Variants in CPT1A observed in about 807,000 individuals in gnomAD.
CPT1A encodes carnitine palmitoyltransferase 1A.
CPT1A carries 64 observed loss-of-function variants against 100.8 expected under a neutral mutation model. The observed-to-expected ratio is 0.63, with a 90% confidence interval of 0.52 to 0.78. The LOEUF is 0.78. Among genes scored for constraint, CPT1A ranks in the 30% least tolerant of loss-of-function variants. The probability of loss-of-function intolerance (pLI) is 0.00; values close to 1 mark genes in which losing one functional copy is unlikely to be tolerated. For synonymous variants in CPT1A, 363 were observed against 396.0 expected (o/e 0.92, Z 0.99); for missense variants, 802 against 1,034.1 (o/e 0.78, Z 3.08).
At chr11:68,834,440 AATAAAAATAATAAAAT>A (rs1856959579) in intron 1 of CPT1A, among the ~76,000 whole-genome samples, 2 of 152,058 alleles carry the variant, frequency 1.3e-5, no homozygotes, top group South Asian at 4.2e-4. Context: ...CGTCTCAAAA[AATAAAAATAATAAAAT>A]AAAAGGAATT....
chr11:68,837,809 G>A (rs992973700), intron 1 of CPT1A, among the ~76,000 whole-genome samples: 8 of 151,972 alleles, frequency 5.3e-5, no homozygotes, highest in African/African-American at 1.7e-4. Flanking sequence ...CTGGACAACA[G>A]AGCAAGACCT....
rs556015969 is a variant in CPT1A at position 68,812,944 on chromosome 11, C to T, written c.142-368G>A. On this transcript the variant is annotated intron_variant, in intron 2 of 18. Transcript: ENST00000265641. ...TACTGTCTAGAATGCCCCGAGACCC[C>T]GGTTCCAAAACTGCTCCTCTTGCCG... Among the ~76,000 whole-genome samples, 105 of 152,020 alleles carry T rather than the reference C, an allele frequency of 6.9e-4. 1 individual carries two copies. Among genetic ancestry groups the T allele is most frequent in the African/African-American group, 2.2e-3 (93 of 41,466 alleles).
chr11:68,794,740 A>G, intron 8 of CPT1A, 64 bp downstream of exon 8: 1 of 1,317,450 alleles, frequency 7.6e-7, no homozygotes, highest in Non-Finnish European at 1.1e-6. Flanking sequence ...CATGTGCAAT[A>G]TGTCAATTAT....
intron 1 of CPT1A, among the ~76,000 whole-genome samples, chr11:68,840,999 T>G (rs1746726277): frequency 1.3e-5 from 2 of 152,156 alleles, no homozygotes; most frequent in African/African-American, 4.8e-5. Flanking sequence ...AAGCAGGCAC[T>G]GGGCCCGGCA....
intron 14 of CPT1A, among the ~76,000 whole-genome samples, chr11:68,764,074 G>A (rs905799187): frequency 6.6e-6 from 1 of 152,204 alleles, no homozygotes; most frequent in African/African-American, 2.4e-5. Context: ...ATGCCCCTGA[G>A]GCTGAGCCTT....
chr11:68,798,502 T>G (rs960843715), intron 6 of CPT1A, among the ~76,000 whole-genome samples: 3 of 152,150 alleles, frequency 2.0e-5, no homozygotes, highest in Non-Finnish European at 2.9e-5. Context: ...TTGCTTTGTC[T>G]GCCGGAGGCC....
At chr11:68,769,733 C>T (rs1046338969) in intron 14 of CPT1A, among the ~76,000 whole-genome samples, 3 of 152,086 alleles carry the variant, frequency 2.0e-5, no homozygotes, top group Non-Finnish European at 4.4e-5. Flanking sequence ...CCCTGCCTGA[C>T]CTCTCACTGT....
intron 12 of CPT1A, 85 bp from the exon 13 acceptor site, chr11:68,775,517 T>G: frequency 9.3e-7 from 1 of 1,079,306 alleles, no homozygotes; most frequent in African/African-American, 1.5e-5. Flanking sequence ...GGTTGTTCTT[T>G]GCAGAGATGT....
At chr11:68,762,135 A>G (rs1244933951) in intron 15 of CPT1A, among the ~76,000 whole-genome samples, 1 of 152,168 alleles carries the variant, frequency 6.6e-6, no homozygotes, top group Non-Finnish European at 1.5e-5. Context: ...TATCTATGGA[A>G]ATGAACTGAT....
At chr11:68,765,563 C>G (rs1007465318) in intron 14 of CPT1A, among the ~76,000 whole-genome samples, 1 of 152,236 alleles carries the variant, frequency 6.6e-6, no homozygotes, top group Admixed American at 6.5e-5. Context: ...CACACTAGCA[C>G]TGTTACTATG....
chr11:68,789,824 C>A (rs184718278), intron 9 of CPT1A, among the ~76,000 whole-genome samples: 3 of 152,328 alleles, frequency 2.0e-5, no homozygotes, highest in Admixed American at 2.0e-4. Context: ...GGTTTTCTGG[C>A]AGATTTATAA....
At chr11:68,810,967 G>C (rs536427595) in intron 3 of CPT1A, among the ~76,000 whole-genome samples, 1 of 152,062 alleles carries the variant, frequency 6.6e-6, no homozygotes, top group South Asian at 2.1e-4. Flanking sequence ...CCTGGGCAAC[G>C]GAGCAAAAAC....
rs1566339751 is a variant in CPT1A at position 68,761,570 on chromosome 11, T to C, written c.1993A>G (p.Lys665Glu). ...RHLFCLYVVS[K>E]YLAVESPFLK... The stretch of plus-strand genomic sequence containing the variant: ...AAAGGGGACTCCACAGCGAGATATT[T>C]AGACACCACGTAAAGGCAGAAGAGG... The change falls in exon 16 of 19, where the codon AAA (lysine) becomes GAA (glutamate). Residue 665 changes from lysine (K) to glutamate (E), a missense_variant. Physicochemically the swap from Lys to Glu is moderately conservative, Grantham distance 56 (BLOSUM62 1). Around this residue, in one of 4 missense-constraint regions of CPT1A, gnomAD observed 627 missense variants for 799.3 expected, o/e 0.78. Coordinates refer to ENST00000265641, the MANE Select transcript of CPT1A (RefSeq NM_001876.4). 6.2e-7 allele frequency: 1 copy of C among 1,614,044 alleles called. No individual in the cohort carries two copies. The highest frequency in any genetic ancestry group is 8.5e-7 in the Non-Finnish European group (1 of 1,180,020).
At chr11:68,762,869 A>G (rs1854670946) in intron 14 of CPT1A, 108 bp from the exon 15 acceptor site, 5 of 1,436,030 alleles carry the variant, frequency 3.5e-6, no homozygotes, top group Non-Finnish European at 3.9e-6. Flanking sequence ...CATTGTCAAC[A>G]TTTTTTTGAG....
chr11:68,792,587 G>T (rs1855646951), intron 9 of CPT1A, among the ~76,000 whole-genome samples: 1 of 152,192 alleles, frequency 6.6e-6, no homozygotes, highest in African/African-American at 2.4e-5. Flanking sequence ...CATTCTCAAG[G>T]ACGTCCTGGT....
chr11:68,778,082 A>G (rs11228348), intron 12 of CPT1A, among the ~76,000 whole-genome samples: 5,482 of 150,426 alleles, frequency 0.036, 128 homozygotes, highest in Non-Finnish European at 0.051. Flanking sequence ...CTAGAGCACT[A>G]TGTTTTTTTT....
intron 14 of CPT1A, among the ~76,000 whole-genome samples, chr11:68,764,669 C>A (rs1409976678): frequency 6.6e-6 from 1 of 152,244 alleles, no homozygotes; most frequent in Non-Finnish European, 1.5e-5. Flanking sequence ...CAGCCAAGAT[C>A]TCTGGAGGAG....
intron 3 of CPT1A, 128 bp downstream of exon 3, chr11:68,812,309 G>T: frequency 7.5e-7 from 1 of 1,336,954 alleles, no homozygotes; most frequent in Non-Finnish European, 1.1e-6. Context: ...GAAAGCTGAC[G>T]TGAGAACAGC....
intron 9 of CPT1A, chr11:68,786,095 G>C: frequency 2.9e-6 from 2 of 701,716 alleles, no homozygotes; most frequent in Non-Finnish European, 5.2e-6. Flanking sequence ...AGGAGCAGTG[G>C]CTCACCCTGT....
Sources: gnomAD v4.1 joint callset for allele counts (sites outside exome capture counted in the v4.1 genomes callset) on GRCh38, gnomAD v4.1.1 for gene constraint, gnomAD v4.1.1 regional missense constraint, MANE v1.5 for transcripts, NCBI Gene and HGNC (gene_info 2026-07-23, HGNC 2026-07-21) for gene names.